CDC20B: variants seen among roughly 807,000 people sequenced by gnomAD.
CDC20B encodes the protein cell division cycle 20B.
In CDC20B, 58 loss-of-function variants were observed where a neutral mutation model predicts 64.1. That is an observed-to-expected ratio of 0.90 (90% CI 0.73 to 1.13). The LOEUF (loss-of-function observed/expected upper bound fraction) is 1.13, where lower values mean the gene tolerates loss of function less well. Among genes scored for constraint, CDC20B ranks in the 50% most tolerant of loss-of-function variants. The pLI, the probability that CDC20B is intolerant of heterozygous loss-of-function variation, is 0.00. For synonymous variants in CDC20B, 243 were observed against 230.6 expected, an observed-to-expected ratio of 1.05 and a Z score of -0.49; for missense variants, 597 against 633.0, an observed-to-expected ratio of 0.94 and a Z score of 0.61.
intron 2 of CDC20B, among the ~76,000 whole-genome samples, chr5:55,147,294 TTA>T (rs1183401771): frequency 3.5e-4 from 48 of 135,712 alleles, no homozygotes; most frequent in African/African-American, 1.2e-3. Flanking sequence ...CATAAATATG[TTA>T]TGTTTTATAT....
intron 7 of CDC20B, 76 bp from the exon 8 acceptor site, chr5:55,127,427 C>T (rs1310468679): frequency 9.0e-7 from 1 of 1,106,908 alleles, no homozygotes; most frequent in Non-Finnish European, 1.4e-6. Flanking sequence ...GCCTGAGAGC[C>T]AATTACTGCT....
chr5:55,115,020 C>A (rs1321132496), intron 11 of CDC20B, among the ~76,000 whole-genome samples: 1 of 152,266 alleles, frequency 6.6e-6, no homozygotes, highest in East Asian at 1.9e-4. Flanking sequence ...ACCATTCCTA[C>A]GAATGACAGT....
chr5:55,143,518 CT>C lies in CDC20B; in HGVS notation c.480del (p.Gln162ArgfsTer4). ...GTTTTTTTCTCTTTACCTACCTGCC[CT>C]TTTGAGGCAACACTTTCTTTCCAGT... ...DRDWKESVAS[K>X]GQKCLKQLFV... On this transcript the variant is annotated frameshift_variant, in exon 4 of 12. Coordinates refer to ENST00000381375, the MANE Select transcript of CDC20B (RefSeq NM_001170402.1). LOFTEE classifies it high-confidence loss of function. The C allele has an allele frequency of 1.9e-6, 3 of 1,596,442 alleles. No individual in the cohort carries two copies. The highest frequency in any genetic ancestry group is 1.8e-5 in the Admixed American group (1 of 56,942).
Position 55,172,482 on chromosome 5 carries a change from A to G in CDC20B, c.126+106T>C. On this transcript the variant is annotated intron_variant, in intron 2 of 11. Transcript: ENST00000381375. The stretch of plus-strand genomic sequence containing the variant: ...TATGTAATAAGATACTAAAATTCTC[A>G]TATTTTCAGACCAGCTCAAACTTCC... 4.4e-6 allele frequency: 4 copies of G among 906,842 alleles called. 1 individual carries two copies. The East Asian group carries it at 9.7e-5, about 22-fold the overall frequency. The allele number at this position is 906,842 out of a possible 1,614,324, so 56.2% of individuals were successfully genotyped here.
At chr5:55,124,617 TA>T (rs1180874137) in intron 9 of CDC20B, among the ~76,000 whole-genome samples, 185 bp downstream of exon 9, 2 of 152,180 alleles carry the variant, frequency 1.3e-5, no homozygotes, top group African/African-American at 4.8e-5. Flanking sequence ...CACCTACAAC[TA>T]AAAAATCTGA....
chr5:55,119,877 T>C lies in CDC20B; in HGVS notation c.1383A>G (p.Ala461=), dbSNP rs746520532. 1 of 1,613,838 alleles carries C rather than the reference T, an allele frequency of 6.2e-7. No homozygotes were observed. Among genetic ancestry groups the C allele is most frequent in the South Asian group, 1.1e-5 (1 of 91,074 alleles). The change falls in exon 11 of 12, where the codon GCA becomes GCG. Residue 461 remains alanine (A), a synonymous_variant. Transcript: ENST00000381375. The part of the protein sequence containing the change: ...LIWLPKTKEI[A]TGQGTPKNDV... ...CATTCTTGGGAGTACCTTGACCAGT[T>C]GCAATCTCCTTTGTCTTAGGTAGCC...
In CDC20B at chr5:55,153,686, A is replaced by C. The variant is rs573327581; in HGVS notation, c.127-6830T>G. ...AGCTTGAATGGAGATTTATTTATCA[A>C]AATTGTTGATTACTCTAAGCTGAAA... is the stretch of plus-strand genomic sequence containing the variant. On this transcript the variant is annotated intron_variant, in intron 2 of 11. Coordinates refer to ENST00000381375, the MANE Select transcript of CDC20B (RefSeq NM_001170402.1). Among the ~76,000 whole-genome samples, 72 of 152,354 alleles carry C rather than the reference A, an allele frequency of 4.7e-4. 1 individual carries two copies. The highest frequency in any genetic ancestry group is 3.4e-3 in the Middle Eastern group (1 of 294).
chr5:55,170,608 G>A (rs1744565684), intron 2 of CDC20B: 1 of 534,780 alleles, frequency 1.9e-6, no homozygotes, highest in Non-Finnish European at 3.8e-6. Flanking sequence ...TACACTGCCA[G>A]CTCATCACAC....
chr5:55,123,040 A>G (rs1030889234), intron 9 of CDC20B, among the ~76,000 whole-genome samples: 1 of 152,204 alleles, frequency 6.6e-6, no homozygotes, highest in South Asian at 2.1e-4. Context: ...ATAAACAGAA[A>G]CCTTGAACAA....
At chr5:55,125,886 C>T (rs1046724058) in intron 8 of CDC20B, among the ~76,000 whole-genome samples, 1 of 152,180 alleles carries the variant, frequency 6.6e-6, no homozygotes, top group East Asian at 1.9e-4. Context: ...AGGCTAGTGT[C>T]TTAGTTTAAT....
In CDC20B at chr5:55,133,394, A is replaced by G; in HGVS notation, c.697+18T>C. ...TTGTCATTTCAACTTTTAATTCCCA[A>G]TCTAAATGATAACTTACAGTAGTCA... is the stretch of plus-strand genomic sequence containing the variant. On this transcript the variant is annotated intron_variant, in intron 6 of 11. Transcript: ENST00000381375. 7.8e-7 allele frequency: 1 copy of G among 1,279,462 alleles called. No homozygotes were observed. The highest frequency in any genetic ancestry group is 1.1e-6 in the Non-Finnish European group (1 of 916,812). 79.3% of individuals were successfully genotyped at this position (1,279,462 alleles called of 1,614,324 possible). A position where few individuals can be genotyped will look rare whatever the true frequency, so the allele number is the denominator to read the frequency against.
chr5:55,158,682 T>A (rs1362059311), intron 2 of CDC20B, among the ~76,000 whole-genome samples: 1 of 152,144 alleles, frequency 6.6e-6, no homozygotes, highest in Non-Finnish European at 1.5e-5. Context: ...CACATCATGA[T>A]CAAATGGCAT....
intron 2 of CDC20B, among the ~76,000 whole-genome samples, chr5:55,147,906 G>C (rs1177201157): frequency 1.3e-5 from 2 of 152,220 alleles, no homozygotes; most frequent in African/African-American, 4.8e-5. Flanking sequence ...CCTAGAGAAA[G>C]TAAGTGATTT....
intron 6 of CDC20B, 77 bp downstream of exon 6, chr5:55,133,335 A>G: frequency 1.5e-6 from 1 of 658,306 alleles, no homozygotes; most frequent in Non-Finnish European, 2.5e-6. Context: ...GGTTTAATCA[A>G]ATTTCAAGTT....
At position 55,127,242 on chromosome 5, in the gene CDC20B, C is replaced by G; in HGVS notation, c.989+15G>C. The G allele has an allele frequency of 6.2e-7, 1 of 1,606,396 alleles. No individual in the cohort carries two copies. The highest frequency in any genetic ancestry group is 8.5e-7 in the Non-Finnish European group (1 of 1,173,064). On this transcript the variant is annotated intron_variant, in intron 8 of 11. Coordinates refer to ENST00000381375, the MANE Select transcript of CDC20B (RefSeq NM_001170402.1). ...TTAATACAAACATAACTGTCTCCAA[C>G]AAGACGCTTCTTACCTGCTGAGGAT...
chr5:55,156,223 C>T (rs566121904), intron 2 of CDC20B, among the ~76,000 whole-genome samples: 18 of 152,228 alleles, frequency 1.2e-4, no homozygotes, highest in Admixed American at 1.3e-4. Context: ...TAACTACCCC[C>T]ATGATTTAGT....
intron 2 of CDC20B, among the ~76,000 whole-genome samples, chr5:55,169,797 A>G (rs1439844872): frequency 1.3e-5 from 2 of 152,278 alleles, no homozygotes; most frequent in East Asian, 3.9e-4. Flanking sequence ...ATAGAAACCA[A>G]TTCTAATGCT....
chr5:55,122,858 C>T (rs947583651), intron 9 of CDC20B, among the ~76,000 whole-genome samples: 2 of 152,156 alleles, frequency 1.3e-5, no homozygotes, highest in South Asian at 2.1e-4. Context: ...TTTTAGCTTC[C>T]GATGCTGTCT....
intron 7 of CDC20B, 45 bp from the exon 8 acceptor site, chr5:55,127,396 C>A (rs371465617): frequency 4.0e-6 from 6 of 1,482,458 alleles, no homozygotes; most frequent in Non-Finnish European, 4.7e-6. Context: ...GGAGTTTTCA[C>A]AGCCCACTGT....
Sources: gnomAD v4.1 joint callset for allele counts (sites outside exome capture counted in the v4.1 genomes callset) on GRCh38, gnomAD v4.1.1 for gene constraint, MANE v1.5 for transcripts, NCBI Gene and HGNC (gene_info 2026-07-23, HGNC 2026-07-21) for gene names.